The following FBXO11 variants were observed in gnomAD, a reference collection of about 807,000 sequenced individuals.
FBXO11 encodes F-box only protein 11.
Under a neutral mutation model 117.0 loss-of-function variants are expected in FBXO11, and 13 were observed. The ratio of observed to expected loss-of-function variants is 0.11; its 90% CI spans 0.07 to 0.18. FBXO11 has a LOEUF of 0.18. FBXO11 is among the 10% of genes least tolerant of loss of function. The probability of loss-of-function intolerance (pLI) is 1.00; values close to 1 mark genes in which losing one functional copy is unlikely to be tolerated. For missense variants in FBXO11, 767 were observed against 1,164.4 expected (o/e 0.66, Z 4.97); for synonymous variants, 490 against 380.5 (o/e 1.29, Z -3.35).
Position 47,823,122 on chromosome 2 carries a change from C to T in FBXO11, c.1616+21G>A, listed in dbSNP as rs768238247. 1.9e-6 allele frequency: 3 copies of T among 1,544,140 alleles called. No homozygotes were observed. The Admixed American group carries it at 5.6e-5, about 29-fold the overall frequency. On this transcript the variant is annotated intron_variant, in intron 12 of 22. Coordinates refer to ENST00000403359, the MANE Select transcript of FBXO11 (RefSeq NM_001190274.2). The stretch of plus-strand genomic sequence containing the variant: ...CCTTGAAGTGAAAAAGTAATTTTCA[C>T]CCATAATTATATGTAAATACCTTAT...
chr2:47,847,640 T>C (rs1219606707), intron 1 of FBXO11, among the ~76,000 whole-genome samples: 1 of 151,266 alleles, frequency 6.6e-6, no homozygotes, highest in African/African-American at 2.4e-5. Context: ...ACCCAGGAGG[T>C]TGCAGTAAGC....
At chr2:47,820,870 G>C (rs1046918428) in intron 13 of FBXO11, among the ~76,000 whole-genome samples, 1 of 152,152 alleles carries the variant, frequency 6.6e-6, no homozygotes, top group African/African-American at 2.4e-5. Context: ...ACTTAGTAAA[G>C]CTTTATGTAA....
intron 21 of FBXO11, chr2:47,808,903 C>T (rs751168845): frequency 8.7e-6 from 3 of 344,902 alleles, no homozygotes; most frequent in Non-Finnish European, 1.6e-5. Context: ...CCCTATGTTG[C>T]CCAGGCTGGT....
At chr2:47,836,088 C>T (rs1672537877) in intron 4 of FBXO11, 87 bp from the exon 5 acceptor site, 5 of 934,794 alleles carry the variant, frequency 5.3e-6, no homozygotes, top group African/African-American at 3.4e-5. Context: ...TTATTTGAGG[C>T]CTCAAAAACT....
chr2:47,821,647 T>C (rs1240981325), intron 13 of FBXO11, among the ~76,000 whole-genome samples: 3 of 149,004 alleles, frequency 2.0e-5, no homozygotes, highest in Non-Finnish European at 4.4e-5. Context: ...GAGCCGGGCA[T>C]GGTAGCATGC....
At chr2:47,884,112 G>A (rs1300996002) in intron 1 of FBXO11, among the ~76,000 whole-genome samples, 1 of 152,112 alleles carries the variant, frequency 6.6e-6, no homozygotes, top group Non-Finnish European at 1.5e-5. Context: ...CCAGCTACTT[G>A]GGAGGCTGAG....
intron 1 of FBXO11, among the ~76,000 whole-genome samples, chr2:47,843,382 G>T (rs540831193): frequency 3.2e-4 from 49 of 151,102 alleles, no homozygotes; most frequent in African/African-American, 1.2e-3. Flanking sequence ...TTTATTCATT[G>T]GCTTCTGAAG....
chr2:47,898,314 A>AT (rs886555213), intron 1 of FBXO11, among the ~76,000 whole-genome samples: 2 of 152,198 alleles, frequency 1.3e-5, no homozygotes, highest in African/African-American at 2.4e-5. Context: ...GTTTAAGCAC[A>AT]TTTTTTATGC....
At chr2:47,868,515 T>G (rs1185984191) in intron 1 of FBXO11, among the ~76,000 whole-genome samples, 1 of 152,210 alleles carries the variant, frequency 6.6e-6, no homozygotes, top group Non-Finnish European at 1.5e-5. Flanking sequence ...CAATTTTTTA[T>G]TTCTGGAACT....
intron 1 of FBXO11, among the ~76,000 whole-genome samples, chr2:47,894,048 T>C (rs1677464940): frequency 6.6e-6 from 1 of 152,218 alleles, no homozygotes; most frequent in South Asian, 2.1e-4. Flanking sequence ...ATATCATCAA[T>C]TTCAATCAAG....
At chr2:47,876,561 G>A (rs186604468) in intron 1 of FBXO11, among the ~76,000 whole-genome samples, 92 of 152,282 alleles carry the variant, frequency 6.0e-4, no homozygotes, top group African/African-American at 2.1e-3. Flanking sequence ...TATACATTCG[G>A]AGGAAAGAAG....
intron 1 of FBXO11, among the ~76,000 whole-genome samples, chr2:47,872,963 T>TA (rs200821048): frequency 0.017 from 2,549 of 152,086 alleles, 74 homozygotes; most frequent in African/African-American, 0.058. Flanking sequence ...TAACCCACAT[T>TA]AAAAAAAATC....
intron 1 of FBXO11, among the ~76,000 whole-genome samples, chr2:47,855,252 C>T (rs1436292347): frequency 1.3e-5 from 2 of 151,072 alleles, no homozygotes; most frequent in Non-Finnish European, 2.9e-5. Context: ...CCAGGATAGA[C>T]TGCAGTGGCA....
chr2:47,863,195 G>C (rs1191529712), intron 1 of FBXO11, among the ~76,000 whole-genome samples: 2 of 152,000 alleles, frequency 1.3e-5, no homozygotes, highest in African/African-American at 4.8e-5. Flanking sequence ...ATTGTTGTTA[G>C]GTTAGCTCAA....
chr2:47,808,091 GC>G lies in FBXO11; in HGVS notation c.*26del. 1 of 1,579,706 alleles carries G rather than the reference GC, an allele frequency of 6.3e-7. No homozygotes were observed. The highest frequency in any genetic ancestry group is 1.8e-5 in the Admixed American group (1 of 56,534). ...TGTTTTAAGTTATGATGTTACAATG[GC>G]AGGACTTTTTCTTTAGGGAAGGAAT... On this transcript the variant is annotated 3_prime_UTR_variant, in exon 23 of 23. Coordinates refer to ENST00000403359, the MANE Select transcript of FBXO11 (RefSeq NM_001190274.2).
chr2:47,807,797 T>C lies in FBXO11; in HGVS notation c.*321A>G, dbSNP rs1036590424. 1.1e-5 allele frequency: 3 copies of C among 268,938 alleles called. No homozygotes were observed. The highest frequency in any genetic ancestry group is 4.3e-5 in the African/African-American group (2 of 46,142). The allele number at this position is 268,938 out of a possible 1,614,324, so 16.7% of individuals were successfully genotyped here. On this transcript the variant is annotated 3_prime_UTR_variant, in exon 23 of 23. Coordinates refer to ENST00000403359, the MANE Select transcript of FBXO11 (RefSeq NM_001190274.2). ...GTCTATTGAAGATTACTACTGCAAA[T>C]TGGACTGCATTCAATGCTAGTTGTA...
chr2:47,857,283 TA>T (rs1322714827), intron 1 of FBXO11, among the ~76,000 whole-genome samples: 1 of 151,940 alleles, frequency 6.6e-6, no homozygotes, highest in African/African-American at 2.4e-5. Context: ...AGCAAGAAGG[TA>T]TTTTTTTTTT....
intron 18 of FBXO11, chr2:47,810,996 T>C (rs1374975001): frequency 1.3e-5 from 2 of 152,252 alleles, no homozygotes; most frequent in East Asian, 1.9e-4. Flanking sequence ...ACCTACTTGT[T>C]TGTCTTAATG....
In FBXO11 at chr2:47,853,321, C is replaced by T. The variant is rs553062869; in HGVS notation, c.233-13552G>A. Among the ~76,000 whole-genome samples the T allele has an allele frequency of 2.0e-4, 30 of 152,078 alleles. 1 individual carries two copies. In the East Asian group the frequency reaches 2.5e-3, roughly 13 times the overall value. On this transcript the variant is annotated intron_variant, in intron 1 of 22. Coordinates refer to ENST00000403359, the MANE Select transcript of FBXO11 (RefSeq NM_001190274.2). ...TTCTGACCTCGTGATCCACCTGCCTCGGCCTCCCACAGTGCTGAGATTACA... is the reference window on the plus strand; with the variant it reads ...TTCTGACCTCGTGATCCACCTGCCTTGGCCTCCCACAGTGCTGAGATTACA...
Sources: gnomAD v4.1 joint callset for allele counts (sites outside exome capture counted in the v4.1 genomes callset) on GRCh38, gnomAD v4.1.1 for gene constraint, MANE v1.5 for transcripts, NCBI Gene and HGNC (gene_info 2026-07-23, HGNC 2026-07-21) for gene names.